Variants in CSMD1 observed in about 807,000 individuals in gnomAD.
CSMD1 encodes the protein CUB and sushi domain-containing protein 1.
Under a neutral mutation model 417.5 loss-of-function variants are expected in CSMD1, and 213 were observed. The observed-to-expected ratio is 0.51, with a 90% CI of 0.46 to 0.57. The LOEUF (loss-of-function observed/expected upper bound fraction) is 0.57. Among genes scored for constraint, CSMD1 ranks in the 20% least tolerant of loss-of-function variants. The pLI, the probability that CSMD1 is intolerant of heterozygous loss-of-function variation, is 0.00. For missense variants in CSMD1, 6,923 were observed against 4,529.7 expected (o/e 1.53, Z -15.17); for synonymous variants, 2,862 against 1,736.8 (o/e 1.65, Z -16.11).
chr8:4,280,402 T>A (rs1036713116), intron 3 of CSMD1, among the ~76,000 whole-genome samples: 1 of 152,206 alleles, frequency 6.6e-6, no homozygotes, highest in Non-Finnish European at 1.5e-5. Context: ...TTGTCTAGAA[T>A]CTGACAATTA....
intron 2 of CSMD1, among the ~76,000 whole-genome samples, chr8:4,526,970 T>C (rs1295490352): frequency 6.6e-6 from 1 of 152,220 alleles, no homozygotes; most frequent in Non-Finnish European, 1.5e-5. Flanking sequence ...CAACTGTAGA[T>C]ACCATCTATC....
chr8:4,396,574 C>A lies in CSMD1; in HGVS notation c.415+23379G>T, dbSNP rs550036196. Among the ~76,000 whole-genome samples, 97 of 151,918 alleles carry A rather than the reference C, an allele frequency of 6.4e-4. 1 individual carries two copies. The highest frequency in any genetic ancestry group is 2.1e-3 in the African/African-American group (88 of 41,452). ...CAGCAAAATTCGCAACTGCAACCAG[C>A]CTAAATGCCCATCAAGCAATGAGTG... On this transcript the variant is annotated intron_variant, in intron 3 of 69. Transcript: ENST00000635120.
At chr8:3,913,245 T>C (rs1323483587) in intron 5 of CSMD1, among the ~76,000 whole-genome samples, 3 of 152,140 alleles carry the variant, frequency 2.0e-5, no homozygotes, top group African/African-American at 7.2e-5. Flanking sequence ...TCAGGAATCC[T>C]TGGCACGAGA....
chr8:4,298,435 T>G (rs538762808), intron 3 of CSMD1, among the ~76,000 whole-genome samples: 4 of 152,280 alleles, frequency 2.6e-5, no homozygotes, highest in African/African-American at 9.6e-5. Context: ...TACAAAGTTG[T>G]GAATAATTCC....
At chr8:3,602,388 G>A (rs1368567083) in intron 8 of CSMD1, among the ~76,000 whole-genome samples, 4 of 152,142 alleles carry the variant, frequency 2.6e-5, no homozygotes, top group Admixed American at 6.5e-5. Flanking sequence ...TGAATCACCT[G>A]AGATTCTGAA....
At chr8:4,009,077 AT>A (rs1816355203) in intron 4 of CSMD1, among the ~76,000 whole-genome samples, 1 of 152,192 alleles carries the variant, frequency 6.6e-6, no homozygotes, top group Admixed American at 6.5e-5. Flanking sequence ...AAAATTCTGC[AT>A]TTGAAGAAAA....
intron 3 of CSMD1, among the ~76,000 whole-genome samples, chr8:4,320,026 T>C (rs914984034): frequency 3.3e-5 from 5 of 152,070 alleles, no homozygotes; most frequent in Non-Finnish European, 7.4e-5. Context: ...AAGTACCACC[T>C]CAACAATGAA....
rs370502515 is a variant in CSMD1, at chr8:3,000,076, G to A, written c.8085C>T (p.Gly2695=). 3.4e-5 allele frequency: 55 copies of A among 1,601,450 alleles called. No homozygotes were observed. The African/African-American group carries it at 7.3e-4, about 21-fold the overall frequency. The change falls in exon 53 of 70, where the codon GGC becomes GGT. Residue 2695 remains glycine, a synonymous_variant. Coordinates refer to ENST00000635120, the MANE Select transcript of CSMD1 (RefSeq NM_033225.6). ...PIVNGHISGD[G]FSYRDTVVYQ... is the part of the protein sequence containing the mutation. The stretch of plus-strand genomic sequence containing the variant: ...AAACCACCGTGTCTCTGTAACTGAA[G>A]CCATCTCCACTAATGTGACCGTTCA...
At chr8:4,566,520 G>A (rs1425398272) in intron 2 of CSMD1, among the ~76,000 whole-genome samples, 1 of 151,712 alleles carries the variant, frequency 6.6e-6, no homozygotes, top group Non-Finnish European at 1.5e-5. Flanking sequence ...GGGCGTGGTG[G>A]CGGGCGCCTG....
chr8:4,225,044 A>G (rs146595449), intron 3 of CSMD1, among the ~76,000 whole-genome samples: 57 of 152,322 alleles, frequency 3.7e-4, no homozygotes, highest in African/African-American at 1.4e-3. Flanking sequence ...CCCTAGAGGC[A>G]GAGGTTGCAG....
At chr8:4,451,916 C>T (rs1041859443) in intron 2 of CSMD1, among the ~76,000 whole-genome samples, 2 of 149,658 alleles carry the variant, frequency 1.3e-5, no homozygotes, top group Non-Finnish European at 3.0e-5. Context: ...GATACCTGCC[C>T]AGAGATGTAA....
At chr8:4,193,838 C>A (rs372910226) in intron 3 of CSMD1, among the ~76,000 whole-genome samples, 2 of 151,884 alleles carry the variant, frequency 1.3e-5, no homozygotes, top group Non-Finnish European at 2.9e-5. Flanking sequence ...ACAGTTCAGC[C>A]GTGTTTCCCA....
intron 3 of CSMD1, among the ~76,000 whole-genome samples, chr8:4,285,578 T>A (rs1474085315): frequency 1.3e-5 from 2 of 152,206 alleles, no homozygotes; most frequent in Non-Finnish European, 2.9e-5. Flanking sequence ...CTAATGCTGA[T>A]TTTGGACCAG....
At chr8:3,470,041 T>C (rs1328439695) in intron 11 of CSMD1, among the ~76,000 whole-genome samples, 4 of 152,134 alleles carry the variant, frequency 2.6e-5, no homozygotes, top group Non-Finnish European at 5.9e-5. Context: ...TCTAACTCTA[T>C]GAATTTTTAC....
rs549511320 is a variant in CSMD1 at position 4,645,444 on chromosome 8, C to CAAA, written c.86-7889_86-7887dup. Among the ~76,000 whole-genome samples the CAAA allele has an allele frequency of 9.4e-3, 347 of 36,846 alleles. 46 individuals carry two copies. The highest frequency in any genetic ancestry group is 0.036 in the African/African-American group (328 of 9,014). The allele number at this position is 36,846 out of a possible 152,430, so 24.2% of individuals were successfully genotyped here. On this transcript the variant is annotated intron_variant, in intron 1 of 69. Transcript: ENST00000635120. ...CAAGACAGCAGGTGTAGTGCAGGGG[C>CAAA]AAAAAAAAAAAAAAAAAAAAAAAGG...
At chr8:4,114,648 C>A (rs1218425390) in intron 3 of CSMD1, among the ~76,000 whole-genome samples, 1 of 152,192 alleles carries the variant, frequency 6.6e-6, no homozygotes, top group Non-Finnish European at 1.5e-5. Context: ...AAAGGATTAT[C>A]TTTGCTAGAT....
At chr8:3,893,503 AT>A (rs1034661510) in intron 5 of CSMD1, among the ~76,000 whole-genome samples, 9 of 151,720 alleles carry the variant, frequency 5.9e-5, no homozygotes, top group African/African-American at 2.2e-4. Flanking sequence ...ATTTATTACA[AT>A]TTTTGTTTTA....
intron 5 of CSMD1, among the ~76,000 whole-genome samples, chr8:3,779,194 A>G: frequency 6.7e-6 from 1 of 149,722 alleles, no homozygotes; most frequent in Admixed American, 6.7e-5. Flanking sequence ...TATGTGCAGT[A>G]TTTGAGAGGG....
chr8:3,731,407 G>C (rs1343073329), intron 6 of CSMD1, among the ~76,000 whole-genome samples: 7 of 152,178 alleles, frequency 4.6e-5, no homozygotes, highest in East Asian at 1.9e-4. Context: ...CTTGGTAAGA[G>C]TGTGGGATTC....
Sources: gnomAD v4.1 joint callset for allele counts (sites outside exome capture counted in the v4.1 genomes callset) on GRCh38, gnomAD v4.1.1 for gene constraint, MANE v1.5 for transcripts, NCBI Gene and HGNC (gene_info 2026-07-23, HGNC 2026-07-21) for gene names.